XRCC6: variants seen among roughly 807,000 people sequenced by gnomAD.
XRCC6 encodes the protein DNA repair protein Ku70.
In XRCC6, 5 loss-of-function variants were observed where a neutral mutation model predicts 65.7. That is an observed-to-expected ratio of 0.08 (90% CI 0.04 to 0.16). The LOEUF is 0.16. Among genes scored for constraint, XRCC6 ranks in the 10% least tolerant of loss-of-function variants. The pLI is 1.00. For synonymous variants in XRCC6, 270 were observed against 270.6 expected (o/e 1.00, Z 0.02); for missense variants, 447 against 738.1 (o/e 0.61, Z 4.57).
Position 41,656,976 on chromosome 22 carries a change from T to C in XRCC6, c.1365T>C (p.Thr455=). Residue 455 remains threonine, a synonymous_variant, in exon 10 of 13, where the codon ACT becomes ACC. Coordinates refer to ENST00000360079, the MANE Select transcript of XRCC6 (RefSeq NM_001469.5). The part of the protein sequence containing the change: ...KMPFTEKIMA[T]PEQVGKMKAI... ...CCTTTACTGAAAAAATCATGGCAAC[T>C]CCAGAGCAGGTGGGCAAGATGAAGG... The C allele has an allele frequency of 6.2e-7, 1 of 1,610,072 alleles. No homozygotes were observed. Among genetic ancestry groups the C allele is most frequent in the South Asian group, 1.1e-5 (1 of 90,200 alleles).
At chr22:41,638,075 C>G (rs1354012774) in intron 6 of XRCC6, among the ~76,000 whole-genome samples, 5 of 152,032 alleles carry the variant, frequency 3.3e-5, no homozygotes, top group African/African-American at 1.2e-4. Flanking sequence ...ATGCCACTGC[C>G]TCACTGTCTT....
At chr22:41,637,284 C>T (rs529717854) in intron 5 of XRCC6, among the ~76,000 whole-genome samples, 1 of 152,106 alleles carries the variant, frequency 6.6e-6, no homozygotes, top group South Asian at 2.1e-4. Flanking sequence ...GGGGTTTCAC[C>T]ACGTTGACCA....
intron 7 of XRCC6, among the ~76,000 whole-genome samples, chr22:41,650,402 A>G (rs1016285538): frequency 6.6e-6 from 1 of 151,942 alleles, no homozygotes; most frequent in Admixed American, 6.6e-5. Context: ...CACCTAGCCT[A>G]TTTTATTGTT....
rs1166254574 is a variant in XRCC6 at position 41,628,198 on chromosome 22, G to C, written c.163G>C (p.Asp55His). 1 of 1,613,698 alleles carries C rather than the reference G, an allele frequency of 6.2e-7. No homozygotes were observed. The highest frequency in any genetic ancestry group is 1.1e-5 in the South Asian group (1 of 90,996). Reference sequence around the variant, plus strand: ...GGCTATGTTTGAATCTCAGAGTGAAGATGAGTTGACACCTTTTGACATGAG... The same window carrying C: ...GGCTATGTTTGAATCTCAGAGTGAACATGAGTTGACACCTTTTGACATGAG... ...SKAMFESQSE[D>H]ELTPFDMSIQ... The change falls in exon 3 of 13, where the codon GAT (aspartate) becomes CAT (histidine). Residue 55 changes from aspartate to histidine, a missense_variant. Asp to His is a moderately conservative substitution (Grantham distance 81). Around this residue, in one of 4 missense-constraint regions of XRCC6, gnomAD observed 228 missense variants for 307.4 expected, o/e 0.74. Transcript: ENST00000360079.
In XRCC6 at chr22:41,637,648, C is replaced by T. The variant is rs1213091635; in HGVS notation, c.630C>T (p.Gly210=). The change falls in exon 6 of 13, where the codon GGC becomes GGT. Residue 210 remains glycine (G), a synonymous_variant. Coordinates refer to ENST00000360079, the MANE Select transcript of XRCC6 (RefSeq NM_001469.5). ...TGATGCACCTGAAGAAACCTGGGGG[C>T]TTTGACATATCCTTGTTCTACAGAG... ...LDLMHLKKPG[G]FDISLFYRDI... is the part of the protein sequence containing the mutation. The T allele has an allele frequency of 6.2e-7, 1 of 1,610,364 alleles. No individual in the cohort carries two copies. The highest frequency in any genetic ancestry group is 8.5e-7 in the Non-Finnish European group (1 of 1,178,756).
intron 3 of XRCC6, among the ~76,000 whole-genome samples, chr22:41,632,348 C>T (rs1264777513): frequency 3.3e-5 from 5 of 152,020 alleles, no homozygotes; most frequent in African/African-American, 9.6e-5. Context: ...TGGTGGCTCA[C>T]GCCTGTAATC....
At position 41,652,495 on chromosome 22, in the gene XRCC6, A is replaced by G. The variant is rs114955174; in HGVS notation, c.1130-1034A>G. Among the ~76,000 whole-genome samples, 643 of 151,804 alleles carry G rather than the reference A, an allele frequency of 4.2e-3. 5 individuals carry two copies. The highest frequency in any genetic ancestry group is 0.015 in the African/African-American group (602 of 41,382). The stretch of plus-strand genomic sequence containing the variant: ...ATTTCCCACCTCACCCTCTCGAGCA[A>G]CTGGGACTACAGGTCCACACCACCA... On this transcript the variant is annotated intron_variant, in intron 8 of 12. Transcript: ENST00000360079.
intron 12 of XRCC6, 122 bp from the exon 13 acceptor site, chr22:41,663,500 G>A: frequency 1.8e-6 from 2 of 1,109,100 alleles, no homozygotes; most frequent in Admixed American, 2.3e-5. Flanking sequence ...GGTGTCCTAG[G>A]CTGGCATCAC....
At chr22:41,662,632 C>G (rs761339812) in intron 12 of XRCC6, among the ~76,000 whole-genome samples, 1 of 152,156 alleles carries the variant, frequency 6.6e-6, no homozygotes, top group Non-Finnish European at 1.5e-5. Context: ...AGTGAACATG[C>G]ATTTCCATCG....
intron 3 of XRCC6, 118 bp from the exon 4 acceptor site, chr22:41,635,995 C>A: frequency 1.2e-6 from 1 of 860,702 alleles, no homozygotes; most frequent in Non-Finnish European, 1.7e-6. Context: ...GGGATCTTGC[C>A]TTATTTTAGT....
At chr22:41,658,163 G>T in intron 10 of XRCC6, 89 bp from the exon 11 acceptor site, 1 of 1,312,850 alleles carries the variant, frequency 7.6e-7, no homozygotes, top group African/African-American at 1.4e-5. Context: ...AGCTCACCCC[G>T]GACCTGTAGT....
intron 7 of XRCC6, among the ~76,000 whole-genome samples, chr22:41,649,184 A>G (rs1370143068): frequency 7.0e-6 from 1 of 142,920 alleles, no homozygotes; most frequent in African/African-American, 2.6e-5. Context: ...GTGTGTGTAT[A>G]TATATATCTC....
At chr22:41,629,870 C>T (rs1360896375) in intron 3 of XRCC6, among the ~76,000 whole-genome samples, 5 of 151,656 alleles carry the variant, frequency 3.3e-5, no homozygotes, top group African/African-American at 9.7e-5. Flanking sequence ...GGGGTTTCAC[C>T]GTGTTAGCCA....
In XRCC6 at chr22:41,651,068, G is replaced by T. The variant is rs72547481; in HGVS notation, c.1129+177G>T. Among the ~76,000 whole-genome samples, 190 of 152,314 alleles carry T rather than the reference G, an allele frequency of 1.2e-3. 2 individuals are homozygous for T. The East Asian group carries it at 0.033, about 26-fold the overall frequency. ...CACCTGTAATCCTAGCACTTTGGGA[G>T]GCTGAGGCGGATGGGTCACCTGAGG... On this transcript the variant is annotated intron_variant, in intron 8 of 12. Transcript: ENST00000360079.
intron 2 of XRCC6, among the ~76,000 whole-genome samples, chr22:41,625,919 A>G (rs905977365): frequency 5.9e-5 from 9 of 152,152 alleles, no homozygotes; most frequent in Non-Finnish European, 1.3e-4. Context: ...GCTCGCTGCA[A>G]TCTCTGCCTC....
chr22:41,636,459 G>A, intron 4 of XRCC6, 57 bp from the exon 5 acceptor site: 1 of 1,591,154 alleles, frequency 6.3e-7, no homozygotes, highest in Non-Finnish European at 8.6e-7. Context: ...TGTGGTAAAG[G>A]CAGCCACTGA....
At chr22:41,653,432 G>A in intron 8 of XRCC6, 97 bp from the exon 9 acceptor site, 1 of 1,131,818 alleles carries the variant, frequency 8.8e-7, no homozygotes, top group Non-Finnish European at 1.3e-6. Context: ...ATTAAAATAA[G>A]CCCTTTAAAG....
chr22:41,631,566 G>A (rs1175037660), intron 3 of XRCC6, among the ~76,000 whole-genome samples: 8 of 129,458 alleles, frequency 6.2e-5, no homozygotes, highest in African/African-American at 1.6e-4. Flanking sequence ...CATCTCAGAC[G>A]ATGGGCGGCC....
Position 41,657,734 on chromosome 22 carries a change from G to C in XRCC6, c.1422-518G>C, listed in dbSNP as rs143220123. On this transcript the variant is annotated intron_variant, in intron 10 of 12. Transcript: ENST00000360079. ...GGAGTTTCACCATGTTGCCCAGGCT[G>C]GTCTGGAACTCCTGAGCTCAAGCCA... 5.1e-3 allele frequency among the ~76,000 whole-genome samples: 770 copies of C among 151,934 alleles called. 4 individuals are homozygous for C. Among genetic ancestry groups the C allele is most frequent in the Non-Finnish European group, 7.6e-3 (517 of 67,974 alleles).
Sources: gnomAD v4.1 joint callset for allele counts (sites outside exome capture counted in the v4.1 genomes callset) on GRCh38, gnomAD v4.1.1 for gene constraint, gnomAD v4.1.1 regional missense constraint, MANE v1.5 for transcripts, NCBI Gene and HGNC (gene_info 2026-07-23, HGNC 2026-07-21) for gene names.